The following EPB41L5 variants were observed in gnomAD, a reference collection of about 807,000 sequenced individuals.
The protein encoded by EPB41L5 is band 4.1-like protein 5.
In EPB41L5, 55 loss-of-function variants were observed where a neutral mutation model predicts 106.6. The ratio of observed to expected loss-of-function variants is 0.52; its 90% CI spans 0.42 to 0.65. The LOEUF is 0.65. EPB41L5 is among the 30% of genes least tolerant of loss of function. EPB41L5 has a pLI of 0.00. For missense variants in EPB41L5, 871 were observed against 882.1 expected (o/e 0.99, Z 0.16); for synonymous variants, 297 against 306.7 (o/e 0.97, Z 0.33).
intron 20 of EPB41L5, chr2:120,160,617 A>G: frequency 5.9e-6 from 2 of 341,646 alleles, no homozygotes; most frequent in Non-Finnish European, 1.1e-5. Flanking sequence ...CATTCCCACC[A>G]GCAGCGTAAG....
At chr2:120,133,804 C>T (rs1685807936) in intron 18 of EPB41L5, among the ~76,000 whole-genome samples, 1 of 152,188 alleles carries the variant, frequency 6.6e-6, no homozygotes, top group South Asian at 2.1e-4. Flanking sequence ...TTGCATCACC[C>T]TCTCCCAGTC....
chr2:120,148,110 AC>A (rs1686492057), intron 20 of EPB41L5, among the ~76,000 whole-genome samples: 1 of 152,170 alleles, frequency 6.6e-6, no homozygotes, highest in Admixed American at 6.5e-5. Context: ...AAGCTTTGTC[AC>A]ATCTTAACAT....
intron 2 of EPB41L5, among the ~76,000 whole-genome samples, chr2:120,028,946 G>T (rs147293431): frequency 1.3e-4 from 20 of 152,130 alleles, no homozygotes; most frequent in Admixed American, 1.1e-3. Flanking sequence ...TATTGGAGAC[G>T]GTCATATTTT....
intron 10 of EPB41L5, among the ~76,000 whole-genome samples, chr2:120,078,947 T>TA (rs1376211312): frequency 6.6e-6 from 1 of 152,194 alleles, no homozygotes; most frequent in East Asian, 1.9e-4. Flanking sequence ...AAGAGGAAGA[T>TA]ACTAATATTT....
intron 2 of EPB41L5, among the ~76,000 whole-genome samples, chr2:120,020,838 T>C (rs1618030): frequency 0.26 from 38,491 of 149,462 alleles, 5,313 homozygotes; most frequent in South Asian, 0.36. Flanking sequence ...AAGAGGTTTT[T>C]AAAAACGCAG....
chr2:120,015,530 T>C (rs1259072791), intron 1 of EPB41L5, among the ~76,000 whole-genome samples: 1 of 152,152 alleles, frequency 6.6e-6, no homozygotes, highest in African/African-American at 2.4e-5. Context: ...GTTTAGCGTG[T>C]CTGTGTGTGT....
intron 3 of EPB41L5, among the ~76,000 whole-genome samples, chr2:120,060,334 T>C (rs1277010937): frequency 6.6e-6 from 1 of 152,210 alleles, no homozygotes; most frequent in Non-Finnish European, 1.5e-5. Context: ...AGCATCTTTA[T>C]TTGTAGTAGC....
At position 120,176,934 on chromosome 2, in the gene EPB41L5, A is replaced by G. The variant is rs1054002234; in HGVS notation, c.*2027A>G. Reference sequence around the variant, plus strand: ...GTCGTTGGATACCTGTATTCTTGACAGTTAGAATATTGGTAGGGACTTTGT... The same window carrying G: ...GTCGTTGGATACCTGTATTCTTGACGGTTAGAATATTGGTAGGGACTTTGT... On this transcript the variant is annotated 3_prime_UTR_variant, in exon 25 of 25. Transcript: ENST00000263713. 1 of 152,234 alleles carries G rather than the reference A, an allele frequency of 6.6e-6. No individual in the cohort carries two copies. The highest frequency in any genetic ancestry group is 2.4e-5 in the African/African-American group (1 of 41,464). The allele number at this position is 152,234 out of a possible 1,614,324, so 9.4% of individuals were successfully genotyped here.
At chr2:120,013,297 G>A (rs1431738544) in intron 1 of EPB41L5, 87 bp downstream of exon 1, 1 of 152,304 alleles carries the variant, frequency 6.6e-6, no homozygotes, top group Non-Finnish European at 1.5e-5. Context: ...GCCTGCGGTA[G>A]CGGCCTTGTC....
At position 120,131,949 on chromosome 2, in the gene EPB41L5, A is replaced by C. The variant is rs1399315861; in HGVS notation, c.1599+234A>C. 2.6e-5 allele frequency among the ~76,000 whole-genome samples: 4 copies of C among 152,038 alleles called. No individual in the cohort carries two copies. The East Asian group carries it at 5.8e-4, about 22-fold the overall frequency. On this transcript the variant is annotated intron_variant, in intron 18 of 24. Coordinates refer to ENST00000263713, the MANE Select transcript of EPB41L5 (RefSeq NM_020909.4). ...GTGATTTCATGATTTAAAAAAAAAA[A>C]CACAGTCAAGATGAGTGTTAAACCT...
At chr2:120,109,677 C>G (rs72841628) in intron 16 of EPB41L5, among the ~76,000 whole-genome samples, 9,561 of 152,214 alleles carry the variant, frequency 0.063, 405 homozygotes, top group African/African-American at 0.12. Flanking sequence ...GTATTCTCAT[C>G]AGAACAAAAA....
chr2:120,091,794 C>A, intron 13 of EPB41L5, 133 bp downstream of exon 13: 1 of 659,492 alleles, frequency 1.5e-6, no homozygotes, highest in Non-Finnish European at 2.6e-6. Context: ...ACTTTTCTGG[C>A]AGAATCAATT....
rs1018621697 is a variant in EPB41L5, at chr2:120,178,401, G to A, written c.*3494G>A. 2.0e-5 allele frequency: 3 copies of A among 151,866 alleles called. No homozygotes were observed. The South Asian group carries it at 6.2e-4, about 31-fold the overall frequency. 9.4% of individuals were successfully genotyped at this position (151,866 alleles called of 1,614,324 possible). A position where few individuals can be genotyped will look rare whatever the true frequency, so the allele number is the denominator to read the frequency against. On this transcript the variant is annotated 3_prime_UTR_variant, in exon 25 of 25. Transcript: ENST00000263713. The stretch of plus-strand genomic sequence containing the variant: ...TTTGTGAGCTCCCACTGTTGTGGGT[G>A]TCTCAGCTCTGAGGGTCTTTGTGAG...
intron 3 of EPB41L5, among the ~76,000 whole-genome samples, chr2:120,060,884 A>G (rs1680993163): frequency 6.6e-6 from 1 of 152,160 alleles, no homozygotes; most frequent in African/African-American, 2.4e-5. Flanking sequence ...TAATTATTTC[A>G]TAATAAAACC....
In EPB41L5 at chr2:120,053,307, G is replaced by C. The variant is rs1680413361; in HGVS notation, c.285+11197G>C. Among the ~76,000 whole-genome samples the C allele has an allele frequency of 2.0e-5, 3 of 152,104 alleles. No homozygotes were observed. In the South Asian group the frequency reaches 6.2e-4, roughly 32 times the overall value. On this transcript the variant is annotated intron_variant, in intron 3 of 24. Coordinates refer to ENST00000263713, the MANE Select transcript of EPB41L5 (RefSeq NM_020909.4). ...TAAAAGAAGGAGTTGGTTTTAGTTA[G>C]CATGACGATGTCATTTTTTCTGTAA...
Position 120,091,616 on chromosome 2 carries a change from A to G in EPB41L5, c.1105A>G (p.Arg369Gly). The change falls in exon 13 of 25, where the codon AGA (arginine) becomes GGA (glycine). Residue 369 changes from arginine to glycine, a missense_variant. Transcript: ENST00000263713. ...AGCAAGAAGATCAACATCCTTTGAAAGAAGGCCCAGCAAACGATATTCTAG... is the reference window on the plus strand; with the variant it reads ...AGCAAGAAGATCAACATCCTTTGAAGGAAGGCCCAGCAAACGATATTCTAG... ...NKARRSTSFE[R>G]RPSKRYSRRT... 1 of 1,613,930 alleles carries G rather than the reference A, an allele frequency of 6.2e-7. No individual in the cohort carries two copies. Among genetic ancestry groups the G allele is most frequent in the African/African-American group, 1.3e-5 (1 of 75,050 alleles).
At chr2:120,126,830 A>C (rs892615374) in intron 16 of EPB41L5, among the ~76,000 whole-genome samples, 1 of 152,216 alleles carries the variant, frequency 6.6e-6, no homozygotes, top group Admixed American at 6.5e-5. Flanking sequence ...TGGGATTTCG[A>C]TAGTGAATAC....
chr2:120,049,731 G>A (rs1665077), intron 3 of EPB41L5, among the ~76,000 whole-genome samples: 39,817 of 151,942 alleles, frequency 0.26, 5,640 homozygotes, highest in African/African-American at 0.35. Context: ...TATTTTGCTC[G>A]TTAGTTGATG....
chr2:120,150,774 G>A (rs950519304), intron 20 of EPB41L5, among the ~76,000 whole-genome samples: 18 of 151,980 alleles, frequency 1.2e-4, no homozygotes, highest in South Asian at 4.1e-4. Flanking sequence ...GACTCTTACC[G>A]AATACATGAT....
Sources: allele counts gnomAD v4.1 joint callset (sites outside exome capture counted in the v4.1 genomes callset), GRCh38; gene constraint gnomAD v4.1.1; transcripts MANE v1.5; gene names NCBI Gene and HGNC (gene_info 2026-07-23, HGNC 2026-07-21).